Variants in ABI1 observed in about 807,000 individuals in gnomAD.
ABI1 encodes the protein abl interactor 1.
In ABI1, 14 loss-of-function variants were observed where a neutral mutation model predicts 54.6. The observed-to-expected ratio is 0.26, with a 90% CI of 0.17 to 0.40. The LOEUF is 0.40. ABI1 is among the 10% of genes least tolerant of loss of function. The pLI, the probability that ABI1 is intolerant of heterozygous loss-of-function variation, is 1.00. For missense variants in ABI1, 443 were observed against 598.3 expected, an observed-to-expected ratio of 0.74 and a Z score of 2.71; for synonymous variants, 194 against 209.3, an observed-to-expected ratio of 0.93 and a Z score of 0.63.
chr10:26,827,281 G>C (rs2048363956), intron 1 of ABI1, among the ~76,000 whole-genome samples: 1 of 150,826 alleles, frequency 6.6e-6, no homozygotes, highest in Admixed American at 6.6e-5. Context: ...GAGTGCAGTG[G>C]CGTGATCTCG....
intron 2 of ABI1, among the ~76,000 whole-genome samples, chr10:26,784,082 G>C (rs1413243615): frequency 6.6e-6 from 1 of 152,142 alleles, no homozygotes; most frequent in Non-Finnish European, 1.5e-5. Context: ...AAAAAGGGGG[G>C]ACATTAGTGA....
At chr10:26,834,516 A>G (rs4403701) in intron 1 of ABI1, among the ~76,000 whole-genome samples, 1 of 151,492 alleles carries the variant, frequency 6.6e-6, no homozygotes, top group Admixed American at 6.6e-5. Flanking sequence ...AAATGGCAAA[A>G]GATCTGGACA....
chr10:26,801,212 G>A (rs1051207795), intron 2 of ABI1, among the ~76,000 whole-genome samples: 5 of 152,246 alleles, frequency 3.3e-5, no homozygotes, highest in Non-Finnish European at 7.4e-5. Flanking sequence ...TTTGATGAGC[G>A]TAATACGGTG....
intron 2 of ABI1, among the ~76,000 whole-genome samples, chr10:26,785,622 T>C (rs1021405467): frequency 6.6e-6 from 1 of 151,198 alleles, no homozygotes; most frequent in Non-Finnish European, 1.5e-5. Context: ...CTTGCGGGGG[T>C]GCTGAGGCAT....
At chr10:26,828,210 G>A (rs1239459846) in intron 1 of ABI1, among the ~76,000 whole-genome samples, 1 of 152,188 alleles carries the variant, frequency 6.6e-6, no homozygotes, top group Non-Finnish European at 1.5e-5. Flanking sequence ...ATGGTCAGTT[G>A]GTGGTACAGT....
chr10:26,830,418 T>G (rs1193756516), intron 1 of ABI1, among the ~76,000 whole-genome samples: 1 of 152,054 alleles, frequency 6.6e-6, no homozygotes. Context: ...GCTCAGGAGT[T>G]CGAGACCAGC....
intron 1 of ABI1, among the ~76,000 whole-genome samples, chr10:26,828,208 T>G (rs1451936753): frequency 6.6e-6 from 1 of 152,228 alleles, no homozygotes. Context: ...GAATGGTCAG[T>G]TGGTGGTACA....
chr10:26,763,898 G>C (rs1839556511), intron 7 of ABI1: 1 of 1,612,946 alleles, frequency 6.2e-7, no homozygotes, highest in Non-Finnish European at 8.5e-7. Context: ...GTGCTCACTG[G>C]GAGAAGTGGT....
At chr10:26,770,204 T>C (rs1001815729) in intron 5 of ABI1, 41 bp downstream of exon 5, 13 of 1,521,558 alleles carry the variant, frequency 8.5e-6, no homozygotes, top group African/African-American at 5.5e-5. Context: ...TCTTTTCCTT[T>C]AGCATATGAA....
chr10:26,822,654 T>G (rs531548582), intron 2 of ABI1, among the ~76,000 whole-genome samples: 2 of 151,218 alleles, frequency 1.3e-5, no homozygotes, highest in South Asian at 4.2e-4. Flanking sequence ...ATTTAGAAAA[T>G]GTAAACTAAT....
chr10:26,825,016 C>T (rs1588992651), intron 1 of ABI1, among the ~76,000 whole-genome samples: 1 of 152,118 alleles, frequency 6.6e-6, no homozygotes, highest in East Asian at 1.9e-4. Context: ...TTCAGAGAGT[C>T]CTAATATTTG....
intron 1 of ABI1, among the ~76,000 whole-genome samples, chr10:26,843,729 G>GT (rs2049765334): frequency 7.4e-6 from 1 of 134,972 alleles, no homozygotes; most frequent in African/African-American, 3.0e-5. Flanking sequence ...GTGGGGCAAG[G>GT]TAGGAGAGGT....
At chr10:26,843,832 A>G (rs532448796) in intron 1 of ABI1, among the ~76,000 whole-genome samples, 70 of 152,238 alleles carry the variant, frequency 4.6e-4, no homozygotes, top group Admixed American at 3.5e-3. Flanking sequence ...AAAGCCACTC[A>G]TACAAGCAGT....
intron 1 of ABI1, among the ~76,000 whole-genome samples, chr10:26,835,310 C>A (rs551841550): frequency 6.6e-6 from 1 of 152,188 alleles, no homozygotes; most frequent in Non-Finnish European, 1.5e-5. Flanking sequence ...CACAATGGCA[C>A]ACACCTGTAA....
intron 1 of ABI1, among the ~76,000 whole-genome samples, chr10:26,856,596 G>A (rs2050840272): frequency 6.6e-6 from 1 of 152,178 alleles, no homozygotes; most frequent in Non-Finnish European, 1.5e-5. Flanking sequence ...TGTCACAGGA[G>A]GAGGAAAGCA....
chr10:26,784,263 A>G (rs1588867119), intron 2 of ABI1, among the ~76,000 whole-genome samples: 1 of 152,208 alleles, frequency 6.6e-6, no homozygotes, highest in South Asian at 2.1e-4. Flanking sequence ...GGATGGTCCA[A>G]GCTCCCAAAT....
At chr10:26,842,994 A>C (rs1181497879) in intron 1 of ABI1, among the ~76,000 whole-genome samples, 3 of 152,154 alleles carry the variant, frequency 2.0e-5, no homozygotes, top group African/African-American at 7.2e-5. Context: ...CAGTGAACCA[A>C]GATCTAGCCA....
In ABI1 at chr10:26,759,170, T is replaced by C. The variant is rs775954560; in HGVS notation, c.889A>G (p.Thr297Ala). Residue 297 changes from threonine (T) to alanine (A), a missense_variant, in exon 8 of 11, where the codon ACT becomes GCT. Thr to Ala is a moderately conservative substitution (Grantham distance 58). Around this residue, in one of 2 missense-constraint regions of ABI1, gnomAD observed 394 missense variants for 484.8 expected, o/e 0.81. Coordinates refer to ENST00000376140, the MANE Select transcript of ABI1 (RefSeq NM_001012750.3). ...CCACCAGAAGATGTCGAAGAAGTAGTAGAGTTGTGTCGAGATATCTGCCTG... is the reference window on the plus strand; with the variant it reads ...CCACCAGAAGATGTCGAAGAAGTAGCAGAGTTGTGTCGAGATATCTGCCTG... Reference protein sequence around the residue: ...MTRQISRHNSTTSSTSSGGYR... With the variant: ...MTRQISRHNSATSSTSSGGYR... The C allele has an allele frequency of 1.9e-6, 3 of 1,613,854 alleles. No homozygotes were observed. Among genetic ancestry groups the C allele is most frequent in the South Asian group, 2.2e-5 (2 of 91,084 alleles).
intron 10 of ABI1, 142 bp downstream of exon 10, chr10:26,751,456 A>G (rs554318106): frequency 2.7e-6 from 2 of 740,128 alleles, no homozygotes; most frequent in African/African-American, 1.9e-5. Flanking sequence ...TACAAAACTT[A>G]GGAAGTAAGG....
Sources: gnomAD v4.1 joint callset for allele counts (sites outside exome capture counted in the v4.1 genomes callset) on GRCh38, gnomAD v4.1.1 for gene constraint, gnomAD v4.1.1 regional missense constraint, MANE v1.5 for transcripts, NCBI Gene and HGNC (gene_info 2026-07-23, HGNC 2026-07-21) for gene names.